TLK1: variants seen among roughly 807,000 people sequenced by gnomAD.
The protein encoded by TLK1 is tousled like kinase 1, also known as serine/threonine-protein kinase tousled-like 1.
In TLK1, 24 loss-of-function variants were observed where a neutral mutation model predicts 105.3. The ratio of observed to expected loss-of-function variants is 0.23; its 90% CI spans 0.17 to 0.32. The LOEUF is 0.32. Among genes scored for constraint, TLK1 ranks in the 10% least tolerant of loss-of-function variants. TLK1 has a pLI of 1.00. For missense variants in TLK1, 558 were observed against 910.5 expected (o/e 0.61, Z 4.98); for synonymous variants, 321 against 310.4 (o/e 1.03, Z -0.36).
intron 2 of TLK1, among the ~76,000 whole-genome samples, chr2:171,096,675 T>C (rs188604363): frequency 6.6e-6 from 1 of 151,642 alleles, no homozygotes; most frequent in African/African-American, 2.4e-5. Flanking sequence ...GGAGAATCAC[T>C]TGAACTCAGG....
Position 171,003,273 on chromosome 2 carries a change from CA to C in TLK1, c.1904+2873del, listed in dbSNP as rs777049271. Reference sequence around the variant, plus strand: ...TGGGCGACAGAGCAAGACTCCGTCTCAAAAAAAAAAAAAAAAAAAAAAAAAA... The same window carrying C: ...TGGGCGACAGAGCAAGACTCCGTCTCAAAAAAAAAAAAAAAAAAAAAAAAA... On this transcript the variant is annotated intron_variant, in intron 18 of 20. Coordinates refer to ENST00000431350, the MANE Select transcript of TLK1 (RefSeq NM_012290.5). Among the ~76,000 whole-genome samples the C allele has an allele frequency of 5.4e-3, 368 of 68,344 alleles. 1 individual carries two copies. Among genetic ancestry groups the C allele is most frequent in the African/African-American group, 0.026 (310 of 12,098 alleles). The allele number at this position is 68,344 out of a possible 152,430, so 44.8% of individuals were successfully genotyped here.
chr2:171,192,745 T>G (rs1693179703), intron 1 of TLK1, among the ~76,000 whole-genome samples: 1 of 152,156 alleles, frequency 6.6e-6, no homozygotes, highest in African/African-American at 2.4e-5. Flanking sequence ...TCTGAACCAC[T>G]GGACTTTAAG....
intron 1 of TLK1, among the ~76,000 whole-genome samples, chr2:171,194,412 G>A (rs1247653185): frequency 6.6e-6 from 1 of 152,154 alleles, no homozygotes; most frequent in African/African-American, 2.4e-5. Context: ...GAGCAAGGTC[G>A]ATCATTTATT....
At chr2:171,034,387 C>T (rs1274286013) in intron 11 of TLK1, among the ~76,000 whole-genome samples, 1 of 152,098 alleles carries the variant, frequency 6.6e-6, no homozygotes, top group African/African-American at 2.4e-5. Context: ...CATAATCACA[C>T]AATGAAATAT....
intron 18 of TLK1, among the ~76,000 whole-genome samples, chr2:171,003,228 C>A (rs987679807): frequency 2.3e-5 from 3 of 133,038 alleles, no homozygotes; most frequent in Non-Finnish European, 4.6e-5. Flanking sequence ...GAGCCGAGAT[C>A]GCACCACTGC....
At chr2:171,225,201 C>T (rs1693876604) in intron 1 of TLK1, among the ~76,000 whole-genome samples, 3 of 151,998 alleles carry the variant, frequency 2.0e-5, no homozygotes, top group South Asian at 2.1e-4. Context: ...GAGAAGCAAC[C>T]CACAAATTGG....
intron 11 of TLK1, among the ~76,000 whole-genome samples, chr2:171,035,322 CAA>C (rs1443960929): frequency 7.0e-6 from 1 of 143,272 alleles, no homozygotes; most frequent in East Asian, 2.2e-4. Context: ...AGCCTGGGCA[CAA>C]GAGCAAAACT....
In TLK1 at chr2:171,160,275, C is replaced by G; in HGVS notation, c.139+15G>C. 1 of 1,514,026 alleles carries G rather than the reference C, an allele frequency of 6.6e-7. No individual in the cohort carries two copies. Among genetic ancestry groups the G allele is most frequent in the Non-Finnish European group, 8.8e-7 (1 of 1,136,328 alleles). The allele number at this position is 1,514,026 out of a possible 1,614,324, so 93.8% of individuals were successfully genotyped here. ...GAGGAGGCCCGCGAGCGGGCGCGGGCGCGGCGGTGCTTACCTTCCCTGGGC... is the reference window on the plus strand; with the variant it reads ...GAGGAGGCCCGCGAGCGGGCGCGGGGGCGGCGGTGCTTACCTTCCCTGGGC... On this transcript the variant is annotated intron_variant, in intron 1 of 20. Coordinates refer to ENST00000431350, the MANE Select transcript of TLK1 (RefSeq NM_012290.5). The surrounding 1 kb of genome is among the most constrained non-coding windows in gnomAD (Gnocchi z 4.4).
intron 3 of TLK1, among the ~76,000 whole-genome samples, chr2:171,067,797 T>A (rs902825510): frequency 3.0e-4 from 46 of 151,680 alleles, no homozygotes; most frequent in Non-Finnish European, 6.5e-4. Context: ...TTATGTGAAG[T>A]CCCCCCAACC....
At chr2:171,108,985 TAAG>T (rs1690050035) in intron 2 of TLK1, among the ~76,000 whole-genome samples, 1 of 152,164 alleles carries the variant, frequency 6.6e-6, no homozygotes, top group African/African-American at 2.4e-5. Flanking sequence ...AAATTAACAG[TAAG>T]TAGTATACAG....
At chr2:170,993,990 GA>G in intron 20 of TLK1, 34 bp from the exon 21 acceptor site, 9 of 1,547,330 alleles carry the variant, frequency 5.8e-6, no homozygotes, top group Non-Finnish European at 7.8e-6. Context: ...AGCAATTAAT[GA>G]TCTTTTTCCC....
chr2:171,091,105 C>G (rs13411575), intron 2 of TLK1, among the ~76,000 whole-genome samples: 60,111 of 152,048 alleles, frequency 0.4, 13,394 homozygotes, highest in African/African-American at 0.59. Flanking sequence ...ATACTCATTT[C>G]ATTACATATG....
intron 1 of TLK1, among the ~76,000 whole-genome samples, chr2:171,151,821 ATAAG>A (rs1692052998): frequency 6.6e-6 from 1 of 152,216 alleles, no homozygotes; most frequent in African/African-American, 2.4e-5. Flanking sequence ...AGTAAATGAA[ATAAG>A]TAACAGAGTA....
chr2:171,131,896 C>T (rs1009583226), intron 1 of TLK1, among the ~76,000 whole-genome samples: 3 of 151,896 alleles, frequency 2.0e-5, no homozygotes, highest in African/African-American at 7.3e-5. Context: ...CATTCAAAGA[C>T]ACTTTTACAT....
chr2:171,030,917 A>G (rs1686011010), intron 11 of TLK1, among the ~76,000 whole-genome samples: 1 of 151,980 alleles, frequency 6.6e-6, no homozygotes, highest in African/African-American at 2.4e-5. Context: ...ACACATGCAC[A>G]TGGCTAGACT....
At chr2:171,120,248 GAAAA>G (rs71008751) in intron 1 of TLK1, among the ~76,000 whole-genome samples, 3 of 47,048 alleles carry the variant, frequency 6.4e-5, no homozygotes, top group African/African-American at 2.4e-4. Flanking sequence ...GACTCCGTCA[GAAAA>G]AAAAAAAAAA....
At chr2:171,187,378 A>G (rs1184414659) in intron 1 of TLK1, among the ~76,000 whole-genome samples, 1 of 152,216 alleles carries the variant, frequency 6.6e-6, no homozygotes, top group African/African-American at 2.4e-5. Context: ...CTGATAACTC[A>G]GGTGACTCCC....
At chr2:171,083,207 GA>G (rs1336876222) in intron 2 of TLK1, among the ~76,000 whole-genome samples, 1 of 152,116 alleles carries the variant, frequency 6.6e-6, no homozygotes. Flanking sequence ...ACCTTTGGCT[GA>G]AAGTATTATT....
intron 2 of TLK1, among the ~76,000 whole-genome samples, chr2:171,117,155 T>C (rs79999889): frequency 0.032 from 4,887 of 152,254 alleles, 253 homozygotes; most frequent in African/African-American, 0.11. Flanking sequence ...GAGATGAAAC[T>C]GTTCTACCTC....
Sources: allele counts gnomAD v4.1 joint callset (sites outside exome capture counted in the v4.1 genomes callset), GRCh38; gene constraint gnomAD v4.1.1; non-coding constraint Gnocchi (gnomAD v3.1); transcripts MANE v1.5; gene names NCBI Gene and HGNC (gene_info 2026-07-23, HGNC 2026-07-21).